SLC11A2: variants seen among roughly 807,000 people sequenced by gnomAD.
SLC11A2 encodes the protein solute carrier family 11 member 2.
SLC11A2 carries 38 observed loss-of-function variants against 68.0 expected under a neutral mutation model. The observed-to-expected ratio is 0.56, with a 90% CI of 0.43 to 0.73. SLC11A2 has a LOEUF of 0.73. Ranked by LOEUF, SLC11A2 falls within the 30% of genes least tolerant of loss-of-function variation. The pLI, the probability that SLC11A2 is intolerant of heterozygous loss-of-function variation, is 0.00. For synonymous variants in SLC11A2, 242 were observed against 250.6 expected (o/e 0.97, Z 0.32); for missense variants, 517 against 690.5 (o/e 0.75, Z 2.82).
intron 3 of SLC11A2, chr12:51,005,909 A>C (rs1942680469): frequency 2.9e-6 from 1 of 344,276 alleles, no homozygotes; most frequent in Non-Finnish European, 5.7e-6. Context: ...AACCTGAAAA[A>C]CTAGTTCAGG....
At position 50,990,945 on chromosome 12, in the gene SLC11A2, G is replaced by A. The variant is rs139057918; in HGVS notation, c.1425C>T (p.Gly475=). The change falls in exon 15 of 16, where the codon GGC becomes GGT. Residue 475 remains glycine, a synonymous_variant. Transcript: ENST00000262052. ...PVMSDFANGL[G]WRIAGGILVL... is the part of the protein sequence containing the mutation. ...CCAAGATTCCTCCTGCAATCCGCCA[G>A]CCTCTGTAAAAGAAATCAGCACAGT... is the stretch of plus-strand genomic sequence containing the variant. 3.1e-4 allele frequency: 506 copies of A among 1,613,940 alleles called. 1 individual carries two copies. The highest frequency in any genetic ancestry group is 1.8e-3 in the Admixed American group (110 of 60,014).
chr12:51,013,154 T>G (rs1344428051), intron 1 of SLC11A2, among the ~76,000 whole-genome samples: 1 of 152,158 alleles, frequency 6.6e-6, no homozygotes, highest in Non-Finnish European at 1.5e-5. Flanking sequence ...GTACATCAAT[T>G]AGTCTTGGGC....
At chr12:50,954,245 T>C in the SLC11A2 span, 1 of 510,706 alleles carries the variant, frequency 2.0e-6, no homozygotes, top group Non-Finnish European at 3.5e-6. Flanking sequence ...TTCAGAATAG[T>C]TCCTAATACA....
At chr12:51,012,732 T>A (rs1943331808) in intron 1 of SLC11A2, among the ~76,000 whole-genome samples, 3 of 152,192 alleles carry the variant, frequency 2.0e-5, no homozygotes, top group Admixed American at 6.5e-5. Flanking sequence ...GAAAACATAA[T>A]CCTTCCTCTC....
chr12:51,011,012 CTT>C lies in SLC11A2; in HGVS notation c.-38-248_-38-247del, dbSNP rs569960115. On this transcript the variant is annotated intron_variant, in intron 1 of 15. Coordinates refer to ENST00000262052, the MANE Select transcript of SLC11A2 (RefSeq NM_000617.3). ...AAAACCAAATTGAAGTGTTACAGCT[CTT>C]TTAGAATGTGTCTAGCAGGCTTTCT... 9.9e-5 allele frequency among the ~76,000 whole-genome samples: 15 copies of C among 152,214 alleles called. No individual in the cohort carries two copies. In the South Asian group the frequency reaches 2.9e-3, roughly 29 times the overall value.
At chr12:51,019,977 C>G (rs779454940) in intron 1 of SLC11A2, among the ~76,000 whole-genome samples, 1 of 152,078 alleles carries the variant, frequency 6.6e-6, no homozygotes, top group Admixed American at 6.6e-5. Context: ...TGCTCCCATT[C>G]GAGGTGTGGG....
Position 50,986,001 on chromosome 12 carries a change from G to T in SLC11A2, c.*2324C>A, listed in dbSNP as rs893029060. ...TACCCAGGAAACCAAATTGGAAAAA[G>T]AAATTTTTTTTTAATTAGAAACCAA... On this transcript the variant is annotated 3_prime_UTR_variant, in exon 16 of 16. Transcript: ENST00000262052. 8.7e-6 allele frequency: 10 copies of T among 1,154,394 alleles called. No homozygotes were observed. The highest frequency in any genetic ancestry group is 1.6e-5 in the African/African-American group (1 of 61,214). The allele number at this position is 1,154,394 out of a possible 1,614,324, so 71.5% of individuals were successfully genotyped here.
At chr12:50,983,561 G>A (rs1300985015), downstream of SLC11A2, among the ~76,000 whole-genome samples, 1 of 152,144 alleles carries the variant, frequency 6.6e-6, no homozygotes, top group Non-Finnish European at 1.5e-5. Flanking sequence ...AGTACAGCCA[G>A]GCACAGTGGC....
chr12:50,979,642 T>C (rs1939909793), downstream of SLC11A2: 1 of 356,392 alleles, frequency 2.8e-6, no homozygotes, highest in South Asian at 2.2e-5. Flanking sequence ...AAGGACTCTA[T>C]AGCCTGAGTT....
the SLC11A2 span, among the ~76,000 whole-genome samples, chr12:50,963,759 A>G: frequency 0.18 from 27,846 of 152,184 alleles, 2,918 homozygotes; most frequent in East Asian, 0.5. Context: ...TAAATCTCAT[A>G]CAGGATGTCT....
At chr12:50,961,070 C>T in the SLC11A2 span, 4 of 1,613,816 alleles carry the variant, frequency 2.5e-6, no homozygotes, top group East Asian at 2.2e-5. Context: ...AGAGTTGCTG[C>T]CCAAGGATTT....
At chr12:51,010,215 A>AC (rs11424903) in intron 2 of SLC11A2, among the ~76,000 whole-genome samples, 104,353 of 150,370 alleles carry the variant, frequency 0.69, 37,312 homozygotes, top group East Asian at 0.86. Context: ...AAACAAACAA[A>AC]AAAAAAACAT....
At chr12:50,993,541 C>T (rs1019179735) in intron 11 of SLC11A2, among the ~76,000 whole-genome samples, 3 of 151,618 alleles carry the variant, frequency 2.0e-5, no homozygotes, top group African/African-American at 7.3e-5. Flanking sequence ...AAAAAAAATA[C>T]AAGGCCAGGC....
the SLC11A2 span, among the ~76,000 whole-genome samples, chr12:50,966,579 A>T: frequency 1.3e-5 from 2 of 152,122 alleles, no homozygotes; most frequent in Admixed American, 1.3e-4. Context: ...GGGGAACAAA[A>T]CTGCCCCTGG....
chr12:50,969,460 G>A, the SLC11A2 span, among the ~76,000 whole-genome samples: 1 of 152,012 alleles, frequency 6.6e-6, no homozygotes, highest in African/African-American at 2.4e-5. Flanking sequence ...AGCACTTTAG[G>A]AGGCCAAGGC....
At chr12:50,963,782 C>G in the SLC11A2 span, among the ~76,000 whole-genome samples, 2 of 152,306 alleles carry the variant, frequency 1.3e-5, no homozygotes, top group Admixed American at 6.5e-5. Context: ...TTTGCACTAA[C>G]CCTGGTAATA....
intron 10 of SLC11A2, 149 bp from the exon 11 acceptor site, chr12:50,994,779 G>A: frequency 1.5e-6 from 1 of 666,350 alleles, no homozygotes; most frequent in Admixed American, 2.2e-5. Flanking sequence ...GAGACTAGCA[G>A]CAATGTTATC....
intron 6 of SLC11A2, among the ~76,000 whole-genome samples, chr12:50,999,990 G>A (rs551336452): frequency 3.3e-5 from 5 of 151,820 alleles, no homozygotes; most frequent in Admixed American, 6.6e-5. Context: ...CCTGGGTGAC[G>A]GAGAAAGACT....
At chr12:50,991,544 GA>G in intron 14 of SLC11A2, 54 bp downstream of exon 14, 1 of 1,403,482 alleles carries the variant, frequency 7.1e-7, no homozygotes, top group African/African-American at 1.4e-5. Context: ...ACTGCATGAA[GA>G]TACCCTTTCC....
Sources: allele counts gnomAD v4.1 joint callset (sites outside exome capture counted in the v4.1 genomes callset), GRCh38; gene constraint gnomAD v4.1.1; transcripts MANE v1.5; gene names NCBI Gene and HGNC (gene_info 2026-07-23, HGNC 2026-07-21).